Variants in OR5T2 observed in about 807,000 individuals in gnomAD.
The protein encoded by OR5T2 is olfactory receptor family 5 subfamily T member 2, also known as olfactory receptor 5T2.
Under a neutral mutation model 13.7 loss-of-function variants are expected in OR5T2, and 12 were observed. The observed-to-expected ratio is 0.88, with a 90% confidence interval of 0.56 to 1.42. OR5T2 has a LOEUF of 1.42. Ranked by LOEUF, OR5T2 falls within the 40% of genes most tolerant of loss-of-function variation. OR5T2 has a pLI of 0.00. For synonymous variants in OR5T2, 146 were observed against 139.5 expected (o/e 1.05, Z -0.33); for missense variants, 475 against 372.0 (o/e 1.28, Z -2.28).
rs1341089653 is a variant in OR5T2, at chr11:56,233,071, C to T, written c.-9G>A. On this transcript the variant is annotated 5_prime_UTR_variant, in exon 2 of 2. Coordinates refer to ENST00000641661, the MANE Select transcript of OR5T2 (RefSeq NM_001004746.4). ...TCAGTGACATTCTTCATGTTGAAAT[C>T]TAGAACAAACTTGAAGATATGCATA... 6.2e-7 allele frequency: 1 copy of T among 1,606,474 alleles called. No homozygotes were observed. The highest frequency in any genetic ancestry group is 1.3e-5 in the African/African-American group (1 of 74,790).
rs1015296590 is a variant in OR5T2 at position 56,232,380 on chromosome 11, G to C, written c.683C>G (p.Ser228Cys). The part of the protein sequence containing the change: ...LILLAILKMY[S>C]AEGRRKVFST... The stretch of plus-strand genomic sequence containing the variant: ...GAAGACTTTTCTCCTCCCTTCAGCA[G>C]AATACATCTTCAGAATGGCCAACAG... Residue 228 changes from serine (S) to cysteine (C), a missense_variant, in exon 2 of 2, where the codon TCT (serine) becomes TGT (cysteine). Physicochemically the swap from Ser to Cys is moderately radical, Grantham distance 112. Transcript: ENST00000641661. 1.9e-6 allele frequency: 3 copies of C among 1,610,328 alleles called. No individual in the cohort carries two copies. Among genetic ancestry groups the C allele is most frequent in the African/African-American group, 2.7e-5 (2 of 74,856 alleles).
In OR5T2 at chr11:56,232,637, G is replaced by A. The variant is rs1170745799; in HGVS notation, c.426C>T (p.Leu142=). 2 of 1,614,150 alleles carry A rather than the reference G, an allele frequency of 1.2e-6. No individual in the cohort carries two copies. Among genetic ancestry groups the A allele is most frequent in the East Asian group, 4.5e-5 (2 of 44,878 alleles). ...TGCCAGCAACATAGGAAGCATTGAT[G>A]AGTGGCATGTAGACTCTGGGTGACA... The part of the protein sequence containing the change: ...VSMSPRVYMP[L]INASYVAGIL... Residue 142 remains leucine, a synonymous_variant, in exon 2 of 2, where the codon CTC becomes CTT. Transcript: ENST00000641661.
chr11:56,232,259 A>C lies in OR5T2; in HGVS notation c.804T>G (p.His268Gln). ...VRPSSSYASD[H>Q]DMIVSIFYTI... is the part of the protein sequence containing the mutation. Reference sequence around the variant, plus strand: ...TGTAAAATATTGACACTATCATGTCATGGTCCGAAGCATAGCTGGAACTTG... The same window carrying C: ...TGTAAAATATTGACACTATCATGTCCTGGTCCGAAGCATAGCTGGAACTTG... Residue 268 changes from histidine to glutamine, a missense_variant, in exon 2 of 2, where the codon CAT becomes CAG. By Grantham distance (24) the His-to-Gln change is conservative. Transcript: ENST00000641661. 1.9e-6 allele frequency: 3 copies of C among 1,613,484 alleles called. No individual in the cohort carries two copies.
In OR5T2 at chr11:56,233,044, C is replaced by A. The variant is rs761960478; in HGVS notation, c.19G>T (p.Val7Phe). The change falls in exon 2 of 2, where the codon GTT becomes TTT. Residue 7 changes from valine to phenylalanine, a missense_variant. Val to Phe is a conservative substitution (Grantham distance 50). Coordinates refer to ENST00000641661, the MANE Select transcript of OR5T2 (RefSeq NM_001004746.4). ...AAGCCCTTCAGTACAAATAAGGTAA[C>A]TTCAGTGACATTCTTCATGTTGAAA... is the stretch of plus-strand genomic sequence containing the variant. The part of the protein sequence containing the change: MKNVTE[V>F]TLFVLKGFTD... The A allele has an allele frequency of 1.7e-5, 28 of 1,606,694 alleles. No homozygotes were observed. In the South Asian group the frequency reaches 2.4e-4, roughly 14 times the overall value.
chr11:56,233,117 A>G lies in OR5T2; in HGVS notation c.-55T>C. ...GCATAAAGTTACAGTTCATATTATG[A>G]CAAAAAGAATGAACAACACCATGAC... On this transcript the variant is annotated 5_prime_UTR_variant, in exon 2 of 2. Coordinates refer to ENST00000641661, the MANE Select transcript of OR5T2 (RefSeq NM_001004746.4). 1 of 1,595,994 alleles carries G rather than the reference A, an allele frequency of 6.3e-7. No individual in the cohort carries two copies. The highest frequency in any genetic ancestry group is 1.1e-5 in the South Asian group (1 of 89,454).
rs952097231 is a variant in OR5T2, at chr11:56,231,694, G to A, written c.*412C>T. On this transcript the variant is annotated 3_prime_UTR_variant, in exon 2 of 2. Transcript: ENST00000641661. ...ATGTGTAGGGCAAAGTATAAGGAAA[G>A]GGGTGCAGAGTTTCCATGCCCTCCC... is the stretch of plus-strand genomic sequence containing the variant. The A allele has an allele frequency of 3.1e-5, 5 of 159,276 alleles. No homozygotes were observed. The highest frequency in any genetic ancestry group is 1.2e-4 in the African/African-American group (5 of 41,674). The allele number at this position is 159,276 out of a possible 1,614,324, so 9.9% of individuals were successfully genotyped here. A position where few individuals can be genotyped will look rare whatever the true frequency, so the allele number is the denominator to read the frequency against.
Position 56,232,346 on chromosome 11 carries a change from A to G in OR5T2, c.717T>C (p.Cys239=). The G allele has an allele frequency of 6.2e-7, 1 of 1,607,822 alleles. No individual in the cohort carries two copies. Among genetic ancestry groups the G allele is most frequent in the Non-Finnish European group, 8.5e-7 (1 of 1,176,818 alleles). The change falls in exon 2 of 2, where the codon TGT becomes TGC. Residue 239 remains cysteine, a synonymous_variant. Transcript: ENST00000641661. ...TTGACACTCCAGTTAGGTGAGCTCC[A>G]CATGTGGAGAAGACTTTTCTCCTCC... The part of the protein sequence containing the change: ...AEGRRKVFST[C]GAHLTGVSIY...
Position 56,232,391 on chromosome 11 carries a change from C to T in OR5T2, c.672G>A (p.Leu224=), listed in dbSNP as rs756795146. 6.2e-7 allele frequency: 1 copy of T among 1,610,678 alleles called. No homozygotes were observed. The highest frequency in any genetic ancestry group is 1.7e-5 in the Admixed American group (1 of 59,920). ...TCCTCCCTTCAGCAGAATACATCTT[C>T]AGAATGGCCAACAGAATCAAACCAT... is the stretch of plus-strand genomic sequence containing the variant. ...ISYGLILLAI[L]KMYSAEGRRK... Residue 224 remains leucine, a synonymous_variant, in exon 2 of 2, where the codon CTG becomes CTA. Coordinates refer to ENST00000641661, the MANE Select transcript of OR5T2 (RefSeq NM_001004746.4).
chr11:56,231,949 C>A lies in OR5T2; in HGVS notation c.*157G>T. On this transcript the variant is annotated 3_prime_UTR_variant, in exon 2 of 2. Coordinates refer to ENST00000641661, the MANE Select transcript of OR5T2 (RefSeq NM_001004746.4). ...GGCAGGAGAAGGTAAAAGGCCTGCC[C>A]CTGAGGTATAACACCCAACATTATA... is the stretch of plus-strand genomic sequence containing the variant. 1 of 568,154 alleles carries A rather than the reference C, an allele frequency of 1.8e-6. No homozygotes were observed. The highest frequency in any genetic ancestry group is 2.9e-6 in the Non-Finnish European group (1 of 349,304). The allele number at this position is 568,154 out of a possible 1,614,324, so 35.2% of individuals were successfully genotyped here.
At chr11:56,233,290 A>G (rs1853321867) in intron 1 of OR5T2, 26 bp from the exon 2 acceptor site, 2 of 896,794 alleles carry the variant, frequency 2.2e-6, no homozygotes, top group Admixed American at 5.6e-5. Context: ...GAAGAAATGG[A>G]CGTTCATTAG....
intron 1 of OR5T2, 50 bp downstream of exon 1, chr11:56,234,127 A>T (rs1853335752): frequency 6.6e-6 from 1 of 152,110 alleles, no homozygotes. Flanking sequence ...GCTAAATAAC[A>T]GGCATTTATT....
rs775554683 is a variant in OR5T2, at chr11:56,232,563, C to A, written c.500G>T (p.Cys167Phe). ...HTVATFSLSFCGANEIRRVFC... is the reference protein window; with the variant it reads ...HTVATFSLSFFGANEIRRVFC... ...GACACGCCTAATTTCATTGGCTCCA[C>A]AGAAGGATAGGCTAAATGTAGCCAC... The change falls in exon 2 of 2, where the codon TGT becomes TTT. Residue 167 changes from cysteine to phenylalanine, a missense_variant. Cys to Phe is a radical substitution (Grantham distance 205, BLOSUM62 -2). Coordinates refer to ENST00000641661, the MANE Select transcript of OR5T2 (RefSeq NM_001004746.4). The A allele has an allele frequency of 3.1e-6, 5 of 1,613,940 alleles. No homozygotes were observed. In the South Asian group the frequency reaches 5.5e-5, roughly 18 times the overall value.
Position 56,233,017 on chromosome 11 carries a change from T to C in OR5T2, c.46A>G (p.Thr16Ala), listed in dbSNP as rs1329219557. The change falls in exon 2 of 2, where the codon ACA (threonine) becomes GCA (alanine). Residue 16 changes from threonine to alanine, a missense_variant. Thr to Ala is a moderately conservative substitution (Grantham distance 58, BLOSUM62 0). Coordinates refer to ENST00000641661, the MANE Select transcript of OR5T2 (RefSeq NM_001004746.4). ...ATAGTCTGCAGTTCAAGATTGTCTG[T>C]GAAGCCCTTCAGTACAAATAAGGTA... ...EVTLFVLKGF[T>A]DNLELQTIFF... is the part of the protein sequence containing the mutation. 2 of 1,606,052 alleles carry C rather than the reference T, an allele frequency of 1.2e-6. No individual in the cohort carries two copies. Among genetic ancestry groups the C allele is most frequent in the Non-Finnish European group, 1.7e-6 (2 of 1,174,932 alleles).
chr11:56,232,109 T>C lies in OR5T2; in HGVS notation c.954A>G (p.Lys318=). 1 of 1,533,118 alleles carries C rather than the reference T, an allele frequency of 6.5e-7. No individual in the cohort carries two copies. Among genetic ancestry groups the C allele is most frequent in the Non-Finnish European group, 8.8e-7 (1 of 1,140,370 alleles). 95.0% of individuals were successfully genotyped at this position (1,533,118 alleles called of 1,614,324 possible). A position where few individuals can be genotyped will look rare whatever the true frequency, so the allele number is the denominator to read the frequency against. The change falls in exon 2 of 2, where the codon AAA becomes AAG. Residue 318 remains lysine (K), a synonymous_variant. Coordinates refer to ENST00000641661, the MANE Select transcript of OR5T2 (RefSeq NM_001004746.4). ...VINKVYFHTK[K] ...TATCACCCTCACCTTTTATAATTTA[T>C]TTTTTAGTATGAAAATATACTTTAT... is the stretch of plus-strand genomic sequence containing the variant.
In OR5T2 at chr11:56,233,012, G is replaced by A. The variant is rs769262623; in HGVS notation, c.51C>T (p.Asp17=). ...AGAAGATAGTCTGCAGTTCAAGATT[G>A]TCTGTGAAGCCCTTCAGTACAAATA... ...VTLFVLKGFT[D]NLELQTIFFF... The change falls in exon 2 of 2, where the codon GAC becomes GAT. Residue 17 remains aspartate (D), a synonymous_variant. Coordinates refer to ENST00000641661, the MANE Select transcript of OR5T2 (RefSeq NM_001004746.4). 5 of 1,604,772 alleles carry A rather than the reference G, an allele frequency of 3.1e-6. No homozygotes were observed. Among genetic ancestry groups the A allele is most frequent in the East Asian group, 2.2e-5 (1 of 44,696 alleles).
Position 56,232,019 on chromosome 11 carries a change from C to A in OR5T2, c.*87G>T. On this transcript the variant is annotated 3_prime_UTR_variant, in exon 2 of 2. Coordinates refer to ENST00000641661, the MANE Select transcript of OR5T2 (RefSeq NM_001004746.4). The stretch of plus-strand genomic sequence containing the variant: ...GCTATGGGAATTATGAGCCAGGAAC[C>A]CTGGATGGAAACCAACATATATCAT... 1 of 1,120,368 alleles carries A rather than the reference C, an allele frequency of 8.9e-7. No homozygotes were observed. The highest frequency in any genetic ancestry group is 1.2e-6 in the Non-Finnish European group (1 of 818,136). The allele number at this position is 1,120,368 out of a possible 1,614,324, so 69.4% of individuals were successfully genotyped here. A position where few individuals can be genotyped will look rare whatever the true frequency, so the allele number is the denominator to read the frequency against.
Position 56,232,612 on chromosome 11 carries a change from T to G in OR5T2, c.451A>C (p.Ile151Leu). 1 of 1,614,090 alleles carries G rather than the reference T, an allele frequency of 6.2e-7. No individual in the cohort carries two copies. Residue 151 changes from isoleucine to leucine, a missense_variant, in exon 2 of 2, where the codon ATT becomes CTT. Ile to Leu is a conservative substitution (Grantham distance 5). Transcript: ENST00000641661. ...PLINASYVAG[I>L]LHATIHTVAT... ...ACTGTATGTATAGTAGCATGTAAAA[T>G]GCCAGCAACATAGGAAGCATTGATG...
Position 56,233,000 on chromosome 11 carries a change from C to T in OR5T2, c.63G>A (p.Leu21=), listed in dbSNP as rs1336119694. The change falls in exon 2 of 2, where the codon CTG becomes CTA. Residue 21 remains leucine (L), a synonymous_variant. Coordinates refer to ENST00000641661, the MANE Select transcript of OR5T2 (RefSeq NM_001004746.4). ...VLKGFTDNLE[L]QTIFFFLFLA... ...GAAACAGGAAGAAGAAGATAGTCTG[C>T]AGTTCAAGATTGTCTGTGAAGCCCT... is the stretch of plus-strand genomic sequence containing the variant. 4 of 1,603,802 alleles carry T rather than the reference C, an allele frequency of 2.5e-6. No homozygotes were observed. The highest frequency in any genetic ancestry group is 3.4e-6 in the Non-Finnish European group (4 of 1,174,240).
At position 56,232,059 on chromosome 11, in the gene OR5T2, A is replaced by G. The variant is rs776390209; in HGVS notation, c.*47T>C. On this transcript the variant is annotated 3_prime_UTR_variant, in exon 2 of 2. Coordinates refer to ENST00000641661, the MANE Select transcript of OR5T2 (RefSeq NM_001004746.4). ...ACATATATCATAACACCACAATGAC[A>G]CATTCTTGGTATTGAGGTGCAGAGT... The G allele has an allele frequency of 4.2e-6, 6 of 1,437,356 alleles. No individual in the cohort carries two copies. The Admixed American group carries it at 1.4e-4, about 34-fold the overall frequency. 89.0% of individuals were successfully genotyped at this position (1,437,356 alleles called of 1,614,324 possible).
Sources: allele counts gnomAD v4.1 joint callset, GRCh38; gene constraint gnomAD v4.1.1; transcripts MANE v1.5; gene names NCBI Gene and HGNC (gene_info 2026-07-23, HGNC 2026-07-21).